WLS: variants seen among roughly 807,000 people sequenced by gnomAD.
WLS encodes protein wntless homolog.
WLS carries 23 observed loss-of-function variants against 62.8 expected under a neutral mutation model. The ratio of observed to expected loss-of-function variants is 0.37; its 90% CI spans 0.26 to 0.52. The LOEUF (loss-of-function observed/expected upper bound fraction) is 0.52, where lower values mean the gene tolerates loss of function less well. Among genes scored for constraint, WLS ranks in the 20% least tolerant of loss-of-function variants. The pLI is 0.92. For missense variants in WLS, 615 were observed against 697.3 expected, an observed-to-expected ratio of 0.88 and a Z score of 1.33; for synonymous variants, 246 against 244.1, an observed-to-expected ratio of 1.01 and a Z score of -0.07.
chr1:68,170,064 T>C (rs1047192850), intron 2 of WLS, among the ~76,000 whole-genome samples: 5 of 151,934 alleles, frequency 3.3e-5, no homozygotes, highest in African/African-American at 4.8e-5. Flanking sequence ...AATGCCCTTC[T>C]CCTATCACTG....
chr1:68,148,435 C>A, intron 7 of WLS, 128 bp downstream of exon 7: 1 of 1,027,146 alleles, frequency 9.7e-7, no homozygotes, highest in South Asian at 1.5e-5. Flanking sequence ...GAGGATGTGA[C>A]CACGTCCAGT....
chr1:68,227,171 A>C (rs1475604825), intron 1 of WLS, among the ~76,000 whole-genome samples: 2 of 152,156 alleles, frequency 1.3e-5, no homozygotes, highest in African/African-American at 4.8e-5. Context: ...AGGCAGGTGG[A>C]TCTCCTGAGG....
chr1:68,143,691 T>C (rs931372923), intron 10 of WLS, among the ~76,000 whole-genome samples: 1 of 152,202 alleles, frequency 6.6e-6, no homozygotes, highest in South Asian at 2.1e-4. Context: ...TCTAGGTTTG[T>C]GTAAGTACAC....
intron 11 of WLS, among the ~76,000 whole-genome samples, chr1:68,110,685 CTCTCT>C (rs1270825967): frequency 2.4e-5 from 3 of 124,670 alleles, no homozygotes; most frequent in African/African-American, 8.3e-5. Context: ...CTCTCTCTCT[CTCTCT>C]CCATATATAT....
At chr1:68,197,125 C>T (rs139090964) in intron 1 of WLS, among the ~76,000 whole-genome samples, 52 of 152,176 alleles carry the variant, frequency 3.4e-4, no homozygotes, top group Non-Finnish European at 6.3e-4. Flanking sequence ...TCTCTCACTT[C>T]TCAGGCCAAA....
Position 68,150,748 on chromosome 1 carries a change from C to A in WLS, c.804-392G>T, listed in dbSNP as rs188498742. Among the ~76,000 whole-genome samples, 4 of 152,284 alleles carry A rather than the reference C, an allele frequency of 2.6e-5. No individual in the cohort carries two copies. In the East Asian group the frequency reaches 5.8e-4, roughly 22 times the overall value. ...AGAACACTCATTATTATTGTGATAT[C>A]CTCAGCAACTATGAATTATATAAGC... is the stretch of plus-strand genomic sequence containing the variant. On this transcript the variant is annotated intron_variant, in intron 5 of 11. Coordinates refer to ENST00000262348, the MANE Select transcript of WLS (RefSeq NM_024911.7).
At position 68,199,502 on chromosome 1, in the gene WLS, C is replaced by T. The variant is rs147003735; in HGVS notation, c.107-5275G>A. Among the ~76,000 whole-genome samples the T allele has an allele frequency of 6.2e-4, 95 of 152,254 alleles. 1 individual carries two copies. The highest frequency in any genetic ancestry group is 2.3e-3 in the East Asian group (12 of 5,184). On this transcript the variant is annotated intron_variant, in intron 1 of 11. Coordinates refer to ENST00000262348, the MANE Select transcript of WLS (RefSeq NM_024911.7). ...TGCTGAGGTAGAGATAGAACATGTG[C>T]TGGGTCATAGAATATCTAAAACAAT...
intron 1 of WLS, among the ~76,000 whole-genome samples, chr1:68,218,579 C>T (rs17130587): frequency 0.015 from 2,335 of 152,272 alleles, 35 homozygotes; most frequent in African/African-American, 0.028. Flanking sequence ...CCAGGCACTG[C>T]CGTTTTGAGG....
In WLS at chr1:68,232,395, C is replaced by T; in HGVS notation, c.-96G>A. Reference sequence around the variant, plus strand: ...CACACACTCCCTCCTTCCTCGCCTCCTTTCTGGGCGCTGCAAAACTTCAGA... The same window carrying T: ...CACACACTCCCTCCTTCCTCGCCTCTTTTCTGGGCGCTGCAAAACTTCAGA... On this transcript the variant is annotated 5_prime_UTR_variant, in exon 1 of 12. Transcript: ENST00000262348. The T allele has an allele frequency of 6.7e-7, 1 of 1,482,370 alleles. No individual in the cohort carries two copies. Among genetic ancestry groups the T allele is most frequent in the Admixed American group, 2.4e-5 (1 of 42,354 alleles). The allele number at this position is 1,482,370 out of a possible 1,614,324, so 91.8% of individuals were successfully genotyped here.
At chr1:68,108,980 A>G in intron 11 of WLS, among the ~76,000 whole-genome samples, 1 of 152,252 alleles carries the variant, frequency 6.6e-6, no homozygotes, top group East Asian at 1.9e-4. Context: ...AAATATTATG[A>G]AATGCTTAGT....
chr1:68,181,990 C>G (rs186096556), intron 2 of WLS, among the ~76,000 whole-genome samples: 5 of 152,272 alleles, frequency 3.3e-5, no homozygotes, highest in Admixed American at 2.6e-4. Context: ...TAAAATAAAA[C>G]AGCTGATGTT....
intron 2 of WLS, chr1:68,161,829 T>A: frequency 1.2e-6 from 2 of 1,605,168 alleles, no homozygotes. Flanking sequence ...GGGAAGGATG[T>A]GCCACTGTTG....
At chr1:68,167,665 C>A (rs928988201) in intron 2 of WLS, among the ~76,000 whole-genome samples, 1 of 152,166 alleles carries the variant, frequency 6.6e-6, no homozygotes, top group African/African-American at 2.4e-5. Flanking sequence ...GATTTGAAAT[C>A]CATGGTTTTC....
intron 5 of WLS, among the ~76,000 whole-genome samples, chr1:68,151,509 A>C (rs1459259187): frequency 6.6e-6 from 1 of 152,238 alleles, no homozygotes; most frequent in Non-Finnish European, 1.5e-5. Flanking sequence ...AACTGTGAAC[A>C]AGAAAAGCAA....
At chr1:68,162,349 T>C in intron 2 of WLS, 1 of 1,613,968 alleles carries the variant, frequency 6.2e-7, no homozygotes, top group Admixed American at 1.7e-5. Context: ...GTGGTGGTTA[T>C]GTTCGTTGAG....
At chr1:68,170,060 C>T (rs2195682) in intron 2 of WLS, among the ~76,000 whole-genome samples, 52,540 of 151,934 alleles carry the variant, frequency 0.35, 9,599 homozygotes, top group Non-Finnish European at 0.4. Flanking sequence ...TGGTAATGCC[C>T]TTCTCCTATC....
intron 10 of WLS, among the ~76,000 whole-genome samples, chr1:68,143,618 A>G (rs1646715271): frequency 6.6e-6 from 1 of 152,222 alleles, no homozygotes; most frequent in Non-Finnish European, 1.5e-5. Context: ...CATGCTGTAC[A>G]GGTTTGTAGC....
intron 1 of WLS, among the ~76,000 whole-genome samples, chr1:68,228,896 T>G (rs1650283093): frequency 1.8e-5 from 2 of 108,520 alleles, no homozygotes; most frequent in South Asian, 5.7e-4. Flanking sequence ...TGTTTTTTTT[T>G]GTTTTTTTTT....
intron 1 of WLS, among the ~76,000 whole-genome samples, chr1:68,217,130 T>G (rs1001226284): frequency 6.6e-6 from 1 of 152,210 alleles, no homozygotes; most frequent in African/African-American, 2.4e-5. Context: ...CTATGACACA[T>G]GCTCTGTACC....
Sources: gnomAD v4.1 joint callset for allele counts (sites outside exome capture counted in the v4.1 genomes callset) on GRCh38, gnomAD v4.1.1 for gene constraint, MANE v1.5 for transcripts, NCBI Gene and HGNC (gene_info 2026-07-23, HGNC 2026-07-21) for gene names.